Variants in KALRN observed in about 807,000 individuals in gnomAD.
KALRN encodes kalirin RhoGEF kinase.
In KALRN, 70 loss-of-function variants were observed where a neutral mutation model predicts 353.7. That is an observed-to-expected ratio of 0.20 (90% CI 0.16 to 0.24). The LOEUF (loss-of-function observed/expected upper bound fraction) is 0.24, where lower values mean the gene tolerates loss of function less well. KALRN is among the 10% of genes least tolerant of loss of function. KALRN has a pLI of 1.00. For synonymous variants in KALRN, 1,391 were observed against 1,434.8 expected, an observed-to-expected ratio of 0.97 and a Z score of 0.69; for missense variants, 2,791 against 3,756.7, an observed-to-expected ratio of 0.74 and a Z score of 6.72.
At chr3:124,128,117 G>T (rs1050403553) in intron 1 of KALRN, among the ~76,000 whole-genome samples, 1 of 152,120 alleles carries the variant, frequency 6.6e-6, no homozygotes, top group Non-Finnish European at 1.5e-5. Context: ...TTTGTGGCAG[G>T]TGTATGGTAG....
chr3:124,121,481 T>A (rs2064023668), intron 1 of KALRN, among the ~76,000 whole-genome samples: 1 of 152,200 alleles, frequency 6.6e-6, no homozygotes, highest in Admixed American at 6.5e-5. Context: ...TTTCAGAGGA[T>A]ATCATTGCCA....
chr3:124,287,359 G>C (rs2076003376), intron 5 of KALRN, among the ~76,000 whole-genome samples: 1 of 151,974 alleles, frequency 6.6e-6, no homozygotes, highest in Non-Finnish European at 1.5e-5. Context: ...CTTTAAGGTA[G>C]CTCCTCTGCA....
chr3:124,595,812 A>G (rs562741127), intron 34 of KALRN, among the ~76,000 whole-genome samples: 1 of 152,320 alleles, frequency 6.6e-6, no homozygotes, highest in East Asian at 1.9e-4. Flanking sequence ...TTCTGAATGA[A>G]TTCTTTTTAT....
intron 16 of KALRN, among the ~76,000 whole-genome samples, chr3:124,433,132 G>A (rs1027352094): frequency 5.3e-5 from 8 of 152,064 alleles, no homozygotes; most frequent in Non-Finnish European, 1.2e-4. Flanking sequence ...TTTTGACAGT[G>A]TTACTAGAGG....
chr3:124,307,498 G>C (rs755977982), intron 6 of KALRN, among the ~76,000 whole-genome samples: 2 of 151,964 alleles, frequency 1.3e-5, no homozygotes, highest in Admixed American at 6.6e-5. Context: ...TGTGAGGAAA[G>C]GGAATAAAGC....
chr3:124,643,057 T>G (rs2082283284), intron 37 of KALRN, among the ~76,000 whole-genome samples: 1 of 152,088 alleles, frequency 6.6e-6, no homozygotes, highest in South Asian at 2.1e-4. Flanking sequence ...CCTCACGTGA[T>G]CCGCCTGCCT....
chr3:124,271,987 C>T (rs1048148560), intron 5 of KALRN, among the ~76,000 whole-genome samples: 1 of 152,098 alleles, frequency 6.6e-6, no homozygotes, highest in Non-Finnish European at 1.5e-5. Context: ...TCATTGGATA[C>T]TCATGGACTT....
In KALRN at chr3:124,446,764, C is replaced by T. The variant is rs762144643; in HGVS notation, c.3431C>T (p.Ala1144Val). 24 of 1,613,972 alleles carry T rather than the reference C, an allele frequency of 1.5e-5. No individual in the cohort carries two copies. Among genetic ancestry groups the T allele is most frequent in the South Asian group, 2.2e-5 (2 of 91,076 alleles). The change falls in exon 21 of 60, where the codon GCG becomes GTG. Residue 1144 changes from alanine to valine, a missense_variant and splice_region_variant. Physicochemically the swap from Ala to Val is moderately conservative, Grantham distance 64 (BLOSUM62 0). Coordinates refer to ENST00000682506, the MANE Select transcript of KALRN (RefSeq NM_001388419.1). Reference protein sequence around the residue: ...YVVFERSAKQALDWIQETGEF... With the variant: ...YVVFERSAKQVLDWIQETGEF... The stretch of plus-strand genomic sequence containing the variant: ...TGGATGAGTTGTTTCCTCCCATAGG[C>T]GCTTGACTGGATCCAAGAAACAGGT...
At chr3:124,600,730 T>G (rs572803855) in intron 34 of KALRN, among the ~76,000 whole-genome samples, 8 of 152,182 alleles carry the variant, frequency 5.3e-5, no homozygotes, top group Admixed American at 3.3e-4. Flanking sequence ...AGAGCAATCT[T>G]TATTATTCTG....
intron 34 of KALRN, among the ~76,000 whole-genome samples, chr3:124,598,266 T>A (rs114340133): frequency 0.011 from 1,619 of 152,282 alleles, 38 homozygotes; most frequent in African/African-American, 0.037. Context: ...CTGGTCTTGA[T>A]GAAATCAAGG....
At chr3:124,154,855 A>G (rs1010179738) in intron 1 of KALRN, among the ~76,000 whole-genome samples, 2 of 152,190 alleles carry the variant, frequency 1.3e-5, no homozygotes, top group African/African-American at 4.8e-5. Context: ...ACCTGACTTC[A>G]AACTATACTA....
chr3:124,043,212 T>G (rs1387240077), intron 1 of KALRN, among the ~76,000 whole-genome samples: 2 of 151,930 alleles, frequency 1.3e-5, no homozygotes, highest in Non-Finnish European at 2.9e-5. Flanking sequence ...GAATGAGGAG[T>G]GAGCGCATGG....
At chr3:124,329,445 G>A (rs533667446) in intron 7 of KALRN, among the ~76,000 whole-genome samples, 6 of 152,182 alleles carry the variant, frequency 3.9e-5, no homozygotes, top group South Asian at 2.1e-4. Context: ...ATACTGTAAA[G>A]CACAGATGTG....
At chr3:124,075,632 C>T (rs2060223141) in intron 1 of KALRN, among the ~76,000 whole-genome samples, 4 of 152,084 alleles carry the variant, frequency 2.6e-5, no homozygotes, top group East Asian at 1.9e-4. Flanking sequence ...TCTTGAGGGT[C>T]TGCTATTTTA....
Position 124,434,325 on chromosome 3 carries a change from T to G in KALRN, c.2848T>G (p.Ser950Ala). The change falls in exon 17 of 60, where the codon TCC becomes GCC. Residue 950 changes from serine (S) to alanine (A), a missense_variant. This residue lies in a region of KALRN where 452 missense variants were observed against 575.8 expected (regional missense o/e 0.78). Transcript: ENST00000682506. ...LAIESLFHAT[S>A]LQKTHQSALQ... is the part of the protein sequence containing the mutation. ...TGCCCAGTCCCTCTTTCATGCCACT[T>G]CCTTGCAGAAGACGCACCAGAGTGC... The G allele has an allele frequency of 6.2e-7, 1 of 1,612,808 alleles. No homozygotes were observed. The highest frequency in any genetic ancestry group is 8.5e-7 in the Non-Finnish European group (1 of 1,179,976).
At chr3:124,116,435 A>G (rs1420771843) in intron 1 of KALRN, among the ~76,000 whole-genome samples, 1 of 152,226 alleles carries the variant, frequency 6.6e-6, no homozygotes, top group African/African-American at 2.4e-5. Flanking sequence ...TATCTTACAG[A>G]TCAGGAAACT....
chr3:124,242,363 G>T (rs4234218), intron 3 of KALRN, among the ~76,000 whole-genome samples: 2 of 152,086 alleles, frequency 1.3e-5, no homozygotes, highest in Non-Finnish European at 2.9e-5. Context: ...GAGACGTAGA[G>T]AGATGAAGTA....
chr3:124,640,304 T>TG (rs2081899998), intron 37 of KALRN, among the ~76,000 whole-genome samples: 4 of 138,732 alleles, frequency 2.9e-5, no homozygotes, highest in Admixed American at 2.9e-4. Context: ...TTTTTTTTTT[T>TG]GAGACAGAGT....
chr3:124,486,855 T>C (rs1269175828), intron 28 of KALRN, among the ~76,000 whole-genome samples: 2 of 152,186 alleles, frequency 1.3e-5, no homozygotes, highest in Non-Finnish European at 2.9e-5. Context: ...GATAGTTGCA[T>C]AGCTTATGTG....
Sources: allele counts gnomAD v4.1 joint callset (sites outside exome capture counted in the v4.1 genomes callset), GRCh38; gene constraint gnomAD v4.1.1; regional missense constraint gnomAD v4.1.1; transcripts MANE v1.5; gene names NCBI Gene and HGNC (gene_info 2026-07-23, HGNC 2026-07-21).